ELAVL2: variants seen among roughly 807,000 people sequenced by gnomAD.
ELAVL2 encodes the protein ELAV-like protein 2.
A neutral mutation model predicts 34.6 loss-of-function variants in ELAVL2; 4 were observed. The observed-to-expected ratio is 0.12, with a 90% CI of 0.06 to 0.26. The LOEUF (loss-of-function observed/expected upper bound fraction) is 0.26. Among genes scored for constraint, ELAVL2 ranks in the 10% least tolerant of loss-of-function variants. The pLI is 1.00. For missense variants in ELAVL2, 432 were observed against 442.8 expected, an observed-to-expected ratio of 0.98 and a Z score of 0.22; for synonymous variants, 193 against 154.8, an observed-to-expected ratio of 1.25 and a Z score of -1.83.
the ELAVL2 span, among the ~76,000 whole-genome samples, chr9:23,837,203 CAG>C: frequency 6.6e-6 from 1 of 152,094 alleles, no homozygotes. Context: ...GGAGAGAAAC[CAG>C]AGACAAGAGC....
intron 1 of ELAVL2, among the ~76,000 whole-genome samples, chr9:23,810,724 G>A (rs968250474): frequency 6.6e-6 from 1 of 152,066 alleles, no homozygotes; most frequent in African/African-American, 2.4e-5. Flanking sequence ...TTGTATCCTT[G>A]GGCAAACCAC....
intron 1 of ELAVL2, among the ~76,000 whole-genome samples, chr9:23,811,527 C>G (rs2062999562): frequency 6.6e-6 from 1 of 152,166 alleles, no homozygotes; most frequent in Non-Finnish European, 1.5e-5. Flanking sequence ...TGAAAAGCAC[C>G]CCAGCTTCTG....
rs545774600 is a variant in ELAVL2, at chr9:23,749,512, T to G, written c.229+12494A>C. ...ATGGGCTAAATTAGTTTAGAGACAC[T>G]TCCCACCTTCGTATAAACAGGGCAC... On this transcript the variant is annotated intron_variant, in intron 2 of 6. Coordinates refer to ENST00000397312, the MANE Select transcript of ELAVL2 (RefSeq NM_004432.5). Among the ~76,000 whole-genome samples, 24 of 147,396 alleles carry G rather than the reference T, an allele frequency of 1.6e-4. 2 individuals carry two copies. The South Asian group carries it at 5.3e-3, about 33-fold the overall frequency.
intron 3 of ELAVL2, among the ~76,000 whole-genome samples, chr9:23,716,784 G>T (rs956673673): frequency 6.6e-6 from 1 of 152,154 alleles, no homozygotes; most frequent in Non-Finnish European, 1.5e-5. Context: ...CAGGGTTAGA[G>T]GGCCATGTAG....
At position 23,713,148 on chromosome 9, in the gene ELAVL2, G is replaced by A. The variant is rs1564017522; in HGVS notation, c.334-8077C>T. Among the ~76,000 whole-genome samples the A allele has an allele frequency of 2.0e-5, 3 of 152,248 alleles. No individual in the cohort carries two copies. In the East Asian group the frequency reaches 5.8e-4, roughly 29 times the overall value. ...GGTACATAACTTCTGCCCTTTTATT[G>A]TTGTTTCTCCTTGGTTCTAGTATGA... On this transcript the variant is annotated intron_variant, in intron 3 of 6. Coordinates refer to ENST00000397312, the MANE Select transcript of ELAVL2 (RefSeq NM_004432.5).
At chr9:23,734,920 T>C (rs999668337) in intron 2 of ELAVL2, among the ~76,000 whole-genome samples, 9 of 151,800 alleles carry the variant, frequency 5.9e-5, no homozygotes, top group Non-Finnish European at 1.2e-4. Flanking sequence ...CACTTATCCA[T>C]ATCATCCAAA....
the ELAVL2 span, among the ~76,000 whole-genome samples, chr9:23,839,178 G>A: frequency 1.7e-4 from 26 of 151,956 alleles, no homozygotes; most frequent in African/African-American, 5.8e-4. Context: ...CAAAATAACA[G>A]AAACTTATTT....
At chr9:23,846,106 A>G in the ELAVL2 span, among the ~76,000 whole-genome samples, 1 of 151,982 alleles carries the variant, frequency 6.6e-6, no homozygotes, top group African/African-American at 2.4e-5. Flanking sequence ...TAAACAAAAA[A>G]GATCAAAATT....
intron 2 of ELAVL2, among the ~76,000 whole-genome samples, chr9:23,745,610 A>G (rs2050299408): frequency 1.3e-5 from 2 of 152,184 alleles, no homozygotes; most frequent in African/African-American, 4.8e-5. Context: ...AGAACCAAAG[A>G]CTGTCCAAAA....
chr9:23,756,142 G>C (rs540319648), intron 2 of ELAVL2, among the ~76,000 whole-genome samples: 3 of 152,078 alleles, frequency 2.0e-5, no homozygotes, highest in Non-Finnish European at 4.4e-5. Flanking sequence ...TATTTTGATA[G>C]AATAAAGAAG....
chr9:23,692,961 C>G, intron 6 of ELAVL2, 77 bp from the exon 7 acceptor site: 26 of 1,313,324 alleles, frequency 2.0e-5, no homozygotes, highest in Non-Finnish European at 2.6e-5. Context: ...TGAACGTATA[C>G]CTTTTCCATC....
chr9:23,825,361 G>A (rs888544547), intron 1 of ELAVL2, among the ~76,000 whole-genome samples: 7 of 152,316 alleles, frequency 4.6e-5, no homozygotes, highest in Middle Eastern at 3.4e-3. Context: ...TTAAGCCTGT[G>A]GTTTTCGCTG....
At position 23,765,477 on chromosome 9, in the gene ELAVL2, A is replaced by G. The variant is rs74830760; in HGVS notation, c.-15-3228T>C. ...AGGGAGGAAATGTGAATGAAATTTT[A>G]TAGTGGGAAAAAGTCATCATGCAAT... On this transcript the variant is annotated intron_variant, in intron 1 of 6. Coordinates refer to ENST00000397312, the MANE Select transcript of ELAVL2 (RefSeq NM_004432.5). 1.1e-3 allele frequency among the ~76,000 whole-genome samples: 161 copies of G among 152,308 alleles called. 1 individual carries two copies. The South Asian group carries it at 0.012, about 12-fold the overall frequency.
chr9:23,715,010 T>C (rs944578188), intron 3 of ELAVL2, among the ~76,000 whole-genome samples: 2 of 152,138 alleles, frequency 1.3e-5, no homozygotes, highest in Admixed American at 1.3e-4. Flanking sequence ...AAGTTAACAG[T>C]ATTACCATTC....
In ELAVL2 at chr9:23,803,797, A is replaced by G. The variant is rs59272363; in HGVS notation, c.-16+22009T>C. Among the ~76,000 whole-genome samples, 614 of 152,276 alleles carry G rather than the reference A, an allele frequency of 4.0e-3. 3 individuals are homozygous for G. The highest frequency in any genetic ancestry group is 0.014 in the African/African-American group (585 of 41,560). On this transcript the variant is annotated intron_variant, in intron 1 of 6. Coordinates refer to ENST00000397312, the MANE Select transcript of ELAVL2 (RefSeq NM_004432.5). Reference sequence around the variant, plus strand: ...TGTATAAAAGAGCTTCACAAGTGCTACTACATCTACCTGGTTTCAGGAACC... The same window carrying G: ...TGTATAAAAGAGCTTCACAAGTGCTGCTACATCTACCTGGTTTCAGGAACC...
chr9:23,749,172 T>C (rs796834372), intron 2 of ELAVL2, among the ~76,000 whole-genome samples: 10 of 152,238 alleles, frequency 6.6e-5, no homozygotes, highest in African/African-American at 2.4e-4. Flanking sequence ...CATTTCTTTT[T>C]AAAGTTTAGA....
intron 1 of ELAVL2, among the ~76,000 whole-genome samples, chr9:23,764,766 C>T (rs757482007): frequency 4.6e-5 from 7 of 151,948 alleles, no homozygotes; most frequent in Non-Finnish European, 4.4e-5. Context: ...TTTGAGTCTG[C>T]GCTAAATCCT....
chr9:23,701,662 G>T, intron 4 of ELAVL2, 58 bp from the exon 5 acceptor site: 1 of 1,544,570 alleles, frequency 6.5e-7, no homozygotes, highest in South Asian at 1.2e-5. Context: ...AAGGGAAGGA[G>T]AGAAGAAAGG....
At position 23,795,360 on chromosome 9, in the gene ELAVL2, A is replaced by G. The variant is rs200502507; in HGVS notation, c.-16+30446T>C. Among the ~76,000 whole-genome samples, 3 of 152,240 alleles carry G rather than the reference A, an allele frequency of 2.0e-5. No homozygotes were observed. The East Asian group carries it at 5.8e-4, about 30-fold the overall frequency. On this transcript the variant is annotated intron_variant, in intron 1 of 6. Transcript: ENST00000397312. ...GGAGTTCGAGAACAGCGTGGCCAAC[A>G]TGGTAAAATCCCATCTCTACTAAAA...
Sources: allele counts gnomAD v4.1 joint callset (sites outside exome capture counted in the v4.1 genomes callset), GRCh38; gene constraint gnomAD v4.1.1; transcripts MANE v1.5; gene names NCBI Gene and HGNC (gene_info 2026-07-23, HGNC 2026-07-21).